ADGRL2: variants seen among roughly 807,000 people sequenced by gnomAD.
The protein encoded by ADGRL2 is calcium-independent alpha-latrotoxin receptor 2.
Under a neutral mutation model 157.4 loss-of-function variants are expected in ADGRL2, and 44 were observed. The observed-to-expected ratio is 0.28, with a 90% confidence interval of 0.22 to 0.36. ADGRL2 has a LOEUF of 0.36. ADGRL2 is among the 10% of genes least tolerant of loss of function. The pLI is 1.00. For missense variants in ADGRL2, 1,510 were observed against 1,768.9 expected (o/e 0.85, Z 2.63); for synonymous variants, 585 against 624.7 (o/e 0.94, Z 0.95).
chr1:81,936,876 C>A (rs747176669), intron 4 of ADGRL2, 39 bp downstream of exon 4: 1 of 1,251,620 alleles, frequency 8.0e-7, no homozygotes, highest in Non-Finnish European at 1.2e-6. Flanking sequence ...CTTTGCCCAG[C>A]ATTACTTGTT....
intron 1 of ADGRL2, among the ~76,000 whole-genome samples, chr1:81,375,683 T>C (rs1486510915): frequency 6.6e-6 from 1 of 152,202 alleles, no homozygotes; most frequent in Non-Finnish European, 1.5e-5. Context: ...TCATCTTATA[T>C]TATTTACCAG....
intron 1 of ADGRL2, among the ~76,000 whole-genome samples, chr1:81,812,022 C>T (rs935093340): frequency 2.0e-5 from 3 of 151,518 alleles, no homozygotes; most frequent in South Asian, 4.1e-4. Flanking sequence ...GCCATCTTAA[C>T]CAGGATGGAG....
intron 1 of ADGRL2, among the ~76,000 whole-genome samples, chr1:81,825,633 C>T (rs10158661): frequency 0.14 from 19,475 of 142,412 alleles, 1,530 homozygotes; most frequent in East Asian, 0.19. Flanking sequence ...GCATGAGTCA[C>T]CGCACCTGGC....
intron 21 of ADGRL2, 147 bp downstream of exon 21, chr1:81,985,502 A>C (rs1157150293): frequency 6.8e-5 from 34 of 497,880 alleles, no homozygotes; most frequent in African/African-American, 9.9e-5. Flanking sequence ...ATACCTTGCC[A>C]CAGATTAAAA....
intron 1 of ADGRL2, among the ~76,000 whole-genome samples, chr1:81,373,136 G>T (rs1462449818): frequency 6.6e-6 from 1 of 151,962 alleles, no homozygotes; most frequent in South Asian, 2.1e-4. Flanking sequence ...ATATCTAGTT[G>T]GTGGCAATTC....
chr1:81,343,467 A>G (rs910533816), intron 1 of ADGRL2, among the ~76,000 whole-genome samples: 2 of 152,310 alleles, frequency 1.3e-5, no homozygotes, highest in South Asian at 4.1e-4. Flanking sequence ...GGCCAATGAA[A>G]GATTAGCACA....
chr1:81,540,597 T>G (rs986369563), intron 2 of ADGRL2, among the ~76,000 whole-genome samples: 3 of 152,116 alleles, frequency 2.0e-5, no homozygotes, highest in East Asian at 1.9e-4. Context: ...GTGCACATTG[T>G]GGGACTAGAA....
chr1:81,844,035 A>G (rs528708752), intron 2 of ADGRL2, among the ~76,000 whole-genome samples: 1 of 152,326 alleles, frequency 6.6e-6, no homozygotes, highest in Admixed American at 6.5e-5. Flanking sequence ...GCAGACCTCA[A>G]AAACATTATA....
chr1:81,811,872 CT>C (rs36053827), intron 1 of ADGRL2, among the ~76,000 whole-genome samples: 115 of 143,212 alleles, frequency 8.0e-4, no homozygotes, highest in Middle Eastern at 3.6e-3. Context: ...AGCCGGGCAG[CT>C]TTTTTTTTTT....
intron 2 of ADGRL2, chr1:81,557,527 G>GAGAAGAAAGAAAGAAAGCAAGAAA (rs2080336479): frequency 9.8e-6 from 1 of 102,146 alleles, no homozygotes; most frequent in African/African-American, 3.3e-5. Context: ...GAAAGAAAGA[G>GAGAAGAAAGAAAGAAAGCAAGAAA]AAGAAAGAAA....
chr1:81,425,711 T>A (rs1174913594), intron 1 of ADGRL2, among the ~76,000 whole-genome samples: 1 of 152,080 alleles, frequency 6.6e-6, no homozygotes, highest in East Asian at 1.9e-4. Flanking sequence ...CCGGCTTTTG[T>A]CAATTGCTTC....
chr1:81,956,965 A>C (rs1653701650), intron 11 of ADGRL2, among the ~76,000 whole-genome samples: 1 of 152,194 alleles, frequency 6.6e-6, no homozygotes, highest in Non-Finnish European at 1.5e-5. Context: ...AATGCAGATC[A>C]AAGGGGTATA....
rs2081859341 is a variant in ADGRL2, at chr1:81,624,189, C to A, written c.-143+43209C>A. ...TCCAGAACTGTGAGAGAATACATTT[C>A]TGTTGTTTTAAGCTGCCCAGTTTGT... On this transcript the variant is annotated intron_variant, in intron 3 of 24. Coordinates refer to the ADGRL2 transcript ENST00000370721. 6.6e-5 allele frequency among the ~76,000 whole-genome samples: 10 copies of A among 152,310 alleles called. No individual in the cohort carries two copies. In the South Asian group the frequency reaches 2.1e-3, roughly 32 times the overall value.
At chr1:81,335,178 T>C (rs1661548110) in intron 1 of ADGRL2, among the ~76,000 whole-genome samples, 3 of 152,184 alleles carry the variant, frequency 2.0e-5, no homozygotes, top group Admixed American at 2.0e-4. Context: ...AATAACAAGA[T>C]AAATATGTGT....
rs567215316 is a variant in ADGRL2, at chr1:81,343,933, A to T, written c.-302+37424A>T. The stretch of plus-strand genomic sequence containing the variant: ...AAATTTTGAGGAGACACAAGCATTC[A>T]GTCCATAACAGCTAAGGTGGCAAAT... On this transcript the variant is annotated intron_variant, in intron 1 of 24. Transcript: ENST00000370721. Among the ~76,000 whole-genome samples, 9 of 152,334 alleles carry T rather than the reference A, an allele frequency of 5.9e-5. No individual in the cohort carries two copies. In the South Asian group the frequency reaches 1.9e-3, roughly 32 times the overall value.
At chr1:81,954,619 A>G (rs1050275581) in intron 10 of ADGRL2, among the ~76,000 whole-genome samples, 2 of 152,062 alleles carry the variant, frequency 1.3e-5, no homozygotes, top group African/African-American at 2.4e-5. Flanking sequence ...GTTCCACTCT[A>G]GTTAATGGCT....
At chr1:81,707,342 T>A (rs937379695) in intron 1 of ADGRL2, among the ~76,000 whole-genome samples, 1 of 152,216 alleles carries the variant, frequency 6.6e-6, no homozygotes, top group South Asian at 2.1e-4. Flanking sequence ...CTCCACCCAC[T>A]GTTCATGGCC....
chr1:81,967,287 A>C (rs568045133), intron 13 of ADGRL2, among the ~76,000 whole-genome samples: 3 of 148,000 alleles, frequency 2.0e-5, no homozygotes, highest in South Asian at 4.3e-4. Context: ...TTTGAGACAG[A>C]GTCTCGCTCT....
chr1:81,606,149 A>G (rs895200466), intron 3 of ADGRL2, among the ~76,000 whole-genome samples: 1 of 152,158 alleles, frequency 6.6e-6, no homozygotes. Flanking sequence ...ATGCTCAAGC[A>G]GCTTTTTTTA....
Sources: allele counts gnomAD v4.1 joint callset (sites outside exome capture counted in the v4.1 genomes callset), GRCh38; gene constraint gnomAD v4.1.1; transcripts MANE v1.5; gene names NCBI Gene and HGNC (gene_info 2026-07-23, HGNC 2026-07-21).